ERAP1: variants seen among roughly 807,000 people sequenced by gnomAD.
The protein encoded by ERAP1 is adipocyte-derived leucine aminopeptidase.
A neutral mutation model predicts 103.7 loss-of-function variants in ERAP1; 86 were observed. That is an observed-to-expected ratio of 0.83 (90% CI 0.70 to 0.99). ERAP1 has a LOEUF of 0.99. Among genes scored for constraint, ERAP1 ranks in the 50% least tolerant of loss-of-function variants. ERAP1 has a pLI of 0.00. For synonymous variants in ERAP1, 398 were observed against 402.4 expected, an observed-to-expected ratio of 0.99 and a Z score of 0.13; for missense variants, 1,009 against 1,128.4, an observed-to-expected ratio of 0.89 and a Z score of 1.52.
the ERAP1 span, chr5:96,912,744 A>G: frequency 6.2e-7 from 1 of 1,601,592 alleles, no homozygotes; most frequent in Non-Finnish European, 8.5e-7. Context: ...AGTGCTGAAC[A>G]AAACAAAATT....
At chr5:96,908,897 A>G in the ERAP1 span, 2 of 1,471,334 alleles carry the variant, frequency 1.4e-6, no homozygotes, top group Non-Finnish European at 9.2e-7. Context: ...TATTTGTTTT[A>G]ATGTTAAAAA....
chr5:96,808,142 C>A (rs151949), upstream of ERAP1: 3 of 473,060 alleles, frequency 6.3e-6, no homozygotes, highest in Non-Finnish European at 8.1e-6. Flanking sequence ...GGTTGCGATG[C>A]GGGGGATCAG....
the ERAP1 span, chr5:96,935,846 G>A: frequency 2.7e-6 from 1 of 374,108 alleles, no homozygotes; most frequent in Non-Finnish European, 4.9e-6. Context: ...GAGCGCCGCA[G>A]CCGGGTCCAC....
At chr5:96,820,327 G>T in the ERAP1 span, among the ~76,000 whole-genome samples, 1 of 151,852 alleles carries the variant, frequency 6.6e-6, no homozygotes, top group African/African-American at 2.4e-5. Flanking sequence ...AGAATTAGTA[G>T]CAAGAATATG....
chr5:96,761,152 T>C (rs1163792143), exon 20 of ERAP1: 1 of 152,208 alleles, frequency 6.6e-6, no homozygotes, highest in Non-Finnish European at 1.5e-5. Flanking sequence ...CATATGCACA[T>C]ATAGCTTTGC....
the ERAP1 span, among the ~76,000 whole-genome samples, chr5:96,869,794 T>G: frequency 6.6e-6 from 1 of 152,136 alleles, no homozygotes; most frequent in South Asian, 2.1e-4. Flanking sequence ...GAGAAGAGGA[T>G]GGGTGCCCAG....
the ERAP1 span, among the ~76,000 whole-genome samples, chr5:96,837,679 G>A: frequency 6.6e-6 from 1 of 152,334 alleles, no homozygotes; most frequent in South Asian, 2.1e-4. Context: ...TGCTGTCAGT[G>A]GACGGCTTAA....
chr5:96,834,248 G>T, the ERAP1 span, among the ~76,000 whole-genome samples: 1 of 152,306 alleles, frequency 6.6e-6, no homozygotes, highest in East Asian at 1.9e-4. Context: ...TCTTGCCAAG[G>T]TATGTGTGTA....
the ERAP1 span, among the ~76,000 whole-genome samples, chr5:96,886,028 G>A: frequency 6.6e-6 from 1 of 152,190 alleles, no homozygotes; most frequent in African/African-American, 2.4e-5. Context: ...AAGCTGTCAC[G>A]CAGCAAGTGA....
chr5:96,786,760 T>A (rs74842366), intron 11 of ERAP1: 2 of 540,334 alleles, frequency 3.7e-6, no homozygotes, highest in Non-Finnish European at 6.7e-6. Context: ...ACTCCTTGAG[T>A]AGAGCTAAGA....
At chr5:96,909,033 A>T in the ERAP1 span, 9 of 1,614,140 alleles carry the variant, frequency 5.6e-6, no homozygotes, top group Non-Finnish European at 7.6e-6. Context: ...GCAGCCCCGC[A>T]CTTCTCGAAG....
intron 11 of ERAP1, among the ~76,000 whole-genome samples, chr5:96,787,750 C>A (rs886972289): frequency 2.1e-5 from 3 of 141,322 alleles, no homozygotes; most frequent in Non-Finnish European, 3.1e-5. Flanking sequence ...CCTCCTTAAT[C>A]CTTTTGGGAA....
rs775763630 is a variant in ERAP1 at position 96,763,224 on chromosome 5, A to G, written c.2823T>C (p.Asp941=). 1.0e-5 allele frequency: 8 copies of G among 780,624 alleles called. No homozygotes were observed. In the African/African-American group the frequency reaches 1.4e-4, roughly 13 times the overall value. The allele number at this position is 780,624 out of a possible 1,614,324, so 48.4% of individuals were successfully genotyped here. Residue 941 remains aspartate, a synonymous_variant, in exon 20 of 20, where the codon GAT becomes GAC. Transcript: ENST00000296754. ...TTCATCCTGTTGCGTCAGCTTCAGG[A>G]TCATCTGAAAATATCCAGAGGCACA...
the ERAP1 span, among the ~76,000 whole-genome samples, chr5:96,813,799 C>A: frequency 6.6e-6 from 1 of 151,864 alleles, no homozygotes; most frequent in East Asian, 1.9e-4. Context: ...TAAAAGATAG[C>A]CTTACAGATC....
At chr5:96,783,862 CACAA>C in intron 14 of ERAP1, 58 bp downstream of exon 14, 1 of 1,234,406 alleles carries the variant, frequency 8.1e-7, no homozygotes, top group Admixed American at 2.4e-5. Context: ...CACATACACA[CACAA>C]TGATTAACAC....
chr5:96,776,493 T>C lies in ERAP1; in HGVS notation c.2729A>G (p.Gln910Arg). 1 of 1,614,236 alleles carries C rather than the reference T, an allele frequency of 6.2e-7. No individual in the cohort carries two copies. The highest frequency in any genetic ancestry group is 8.5e-7 in the Non-Finnish European group (1 of 1,180,036). Residue 910 changes from glutamine (Q) to arginine (R), a missense_variant, in exon 19 of 19, where the codon CAG (glutamine) becomes CGG (arginine). Physicochemically the swap from Gln to Arg is conservative, Grantham distance 43 (BLOSUM62 1). Around this residue, in one of 3 missense-constraint regions of ERAP1, gnomAD observed 611 missense variants for 651.7 expected, o/e 0.94. Transcript: ENST00000443439. The stretch of plus-strand genomic sequence containing the variant: ...GTTTTCTTCAATGGTTTCAATTGTC[T>C]GTTGGACACAACGGAGCTGAGAACC... Reference protein sequence around the residue: ...ENGSQLRCVQQTIETIEENIG... With the variant: ...ENGSQLRCVQRTIETIEENIG...
At chr5:96,924,618 T>C in the ERAP1 span, among the ~76,000 whole-genome samples, 602 of 150,126 alleles carry the variant, frequency 4.0e-3, 3 homozygotes, top group Non-Finnish European at 6.2e-3. Context: ...TTTTTTGAAA[T>C]GTAGTCTTGC....
At chr5:96,918,013 A>G in the ERAP1 span, 1 of 153,120 alleles carries the variant, frequency 6.5e-6, no homozygotes, top group Admixed American at 6.5e-5. Flanking sequence ...AGTGAAGCTC[A>G]AGTCAAGAGC....
chr5:96,858,217 CTTTT>C, the ERAP1 span, among the ~76,000 whole-genome samples: 10 of 137,092 alleles, frequency 7.3e-5, no homozygotes, highest in Admixed American at 7.3e-5. Flanking sequence ...TGTTCTTCTT[CTTTT>C]TTTTTTTTTT....
Sources: allele counts gnomAD v4.1 joint callset (sites outside exome capture counted in the v4.1 genomes callset), GRCh38; gene constraint gnomAD v4.1.1; regional missense constraint gnomAD v4.1.1; transcripts MANE v1.5; gene names NCBI Gene and HGNC (gene_info 2026-07-23, HGNC 2026-07-21).